CSRNP3: variants seen among roughly 807,000 people sequenced by gnomAD.
CSRNP3 encodes cysteine/serine-rich nuclear protein 3.
CSRNP3 carries 12 observed loss-of-function variants against 48.0 expected under a neutral mutation model. That is an observed-to-expected ratio of 0.25 (90% CI 0.16 to 0.41). CSRNP3 has a LOEUF of 0.41. CSRNP3 is among the 10% of genes least tolerant of loss of function. CSRNP3 has a pLI of 1.00. For missense variants in CSRNP3, 580 were observed against 724.4 expected (o/e 0.80, Z 2.29); for synonymous variants, 263 against 269.7 (o/e 0.98, Z 0.24).
intron 3 of CSRNP3, among the ~76,000 whole-genome samples, chr2:165,594,657 T>A (rs1685779407): frequency 6.6e-6 from 1 of 152,196 alleles, no homozygotes; most frequent in Non-Finnish European, 1.5e-5. Flanking sequence ...TCGTGCATAC[T>A]TTTTTGTGTT....
At chr2:165,558,653 A>T (rs898912684) in intron 3 of CSRNP3, among the ~76,000 whole-genome samples, 1 of 152,204 alleles carries the variant, frequency 6.6e-6, no homozygotes, top group Non-Finnish European at 1.5e-5. Flanking sequence ...GATTAGCCAA[A>T]TCACCAGATT....
chr2:165,670,270 A>G lies in CSRNP3; in HGVS notation c.409-6042A>G, dbSNP rs1305076163. ...GCCAGCCCCACTGCCACCCTCCTAC[A>G]TAACCCTCAAATGCCCCATGTTCAC... On this transcript the variant is annotated intron_variant, in intron 5 of 6. Transcript: ENST00000651982. Among the ~76,000 whole-genome samples the G allele has an allele frequency of 3.9e-5, 6 of 152,138 alleles. No individual in the cohort carries two copies. In the East Asian group the frequency reaches 1.2e-3, roughly 29 times the overall value.
chr2:165,502,291 A>G (rs1312892230), intron 2 of CSRNP3, among the ~76,000 whole-genome samples: 1 of 152,014 alleles, frequency 6.6e-6, no homozygotes, highest in African/African-American at 2.4e-5. Context: ...ATAAAATCTT[A>G]AATACGTGGT....
At chr2:165,578,075 T>C (rs1237928398) in intron 3 of CSRNP3, among the ~76,000 whole-genome samples, 2 of 152,082 alleles carry the variant, frequency 1.3e-5, no homozygotes, top group Non-Finnish European at 2.9e-5. Flanking sequence ...TTATATCAAA[T>C]AGGAAAATGA....
At chr2:165,554,485 AC>A (rs1207906818) in intron 3 of CSRNP3, among the ~76,000 whole-genome samples, 1 of 152,202 alleles carries the variant, frequency 6.6e-6, no homozygotes, top group Non-Finnish European at 1.5e-5. Context: ...TCTTGTTCTT[AC>A]CCATCATTCT....
chr2:165,606,366 CAAA>C (rs1229143916), intron 4 of CSRNP3, among the ~76,000 whole-genome samples: 18 of 63,096 alleles, frequency 2.9e-4, no homozygotes, highest in African/African-American at 8.2e-4. Context: ...GCTAATGCAG[CAAA>C]AAAAAAAAAA....
intron 3 of CSRNP3, among the ~76,000 whole-genome samples, chr2:165,521,327 A>G (rs1684659723): frequency 6.6e-6 from 1 of 152,204 alleles, no homozygotes; most frequent in African/African-American, 2.4e-5. Context: ...ACGTCAATGG[A>G]AAGAACTAGA....
intron 4 of CSRNP3, among the ~76,000 whole-genome samples, chr2:165,603,849 C>G (rs1035847162): frequency 2.6e-5 from 4 of 152,278 alleles, no homozygotes; most frequent in Admixed American, 2.0e-4. Flanking sequence ...TTCATGTCTC[C>G]TCCAATCACT....
chr2:165,552,058 C>T (rs1209706566), intron 3 of CSRNP3, among the ~76,000 whole-genome samples: 2 of 152,186 alleles, frequency 1.3e-5, no homozygotes, highest in Non-Finnish European at 2.9e-5. Context: ...TTTATCATCA[C>T]AACATGGGGA....
chr2:165,599,690 T>C (rs1004264458), intron 4 of CSRNP3, among the ~76,000 whole-genome samples: 1 of 152,222 alleles, frequency 6.6e-6, no homozygotes, highest in Non-Finnish European at 1.5e-5. Flanking sequence ...AAAATTGATA[T>C]ACAAATTTTT....
chr2:165,604,671 T>C (rs908156772), intron 4 of CSRNP3, among the ~76,000 whole-genome samples: 4 of 152,372 alleles, frequency 2.6e-5, no homozygotes, highest in Non-Finnish European at 5.9e-5. Flanking sequence ...CACTGTTTAA[T>C]TGGATGCTGT....
At chr2:165,590,452 A>C (rs957621636) in intron 3 of CSRNP3, among the ~76,000 whole-genome samples, 1 of 152,220 alleles carries the variant, frequency 6.6e-6, no homozygotes, top group African/African-American at 2.4e-5. Context: ...CATATACAAT[A>C]GTTACTATTG....
chr2:165,666,183 G>A (rs1162465732), intron 5 of CSRNP3, among the ~76,000 whole-genome samples: 1 of 142,920 alleles, frequency 7.0e-6, no homozygotes, highest in African/African-American at 2.6e-5. Context: ...AGGAAGGAAG[G>A]AAGGGAGGAA....
chr2:165,503,861 C>G (rs967004714), intron 2 of CSRNP3, among the ~76,000 whole-genome samples: 5 of 151,738 alleles, frequency 3.3e-5, no homozygotes, highest in African/African-American at 1.2e-4. Flanking sequence ...AATGCCTCCA[C>G]CATTTCACCT....
At chr2:165,505,448 A>G (rs1030309412) in intron 2 of CSRNP3, among the ~76,000 whole-genome samples, 1 of 152,182 alleles carries the variant, frequency 6.6e-6, no homozygotes, top group Non-Finnish European at 1.5e-5. Context: ...ATTTAAAAAA[A>G]TCTTCAATTA....
intron 3 of CSRNP3, among the ~76,000 whole-genome samples, chr2:165,592,823 A>G (rs1436403804): frequency 1.9e-5 from 2 of 103,878 alleles, no homozygotes; most frequent in African/African-American, 7.6e-5. Context: ...TTTTTTTGAG[A>G]CGGAGTCTCG....
At chr2:165,544,808 A>T (rs1246952578) in intron 3 of CSRNP3, among the ~76,000 whole-genome samples, 1 of 152,200 alleles carries the variant, frequency 6.6e-6, no homozygotes, top group Non-Finnish European at 1.5e-5. Context: ...TAAGCTTGAG[A>T]GTCATCGTCA....
chr2:165,470,945 A>C (rs1683886005), intron 1 of CSRNP3, among the ~76,000 whole-genome samples: 1 of 151,868 alleles, frequency 6.6e-6, no homozygotes, highest in South Asian at 2.1e-4. Context: ...TGACTATATA[A>C]TTTCTAAATA....
In CSRNP3 at chr2:165,595,118, G is replaced by A. The variant is rs1290100429; in HGVS notation, c.53G>A (p.Cys18Tyr). ...KFEEVDGSSP[C>Y]SSVRESDDEV... Reference sequence around the variant, plus strand: ...GAAGAAGTTGACGGCTCCTCACCCTGCTCCTCTGTGAGGGAATCAGATGAT... The same window carrying A: ...GAAGAAGTTGACGGCTCCTCACCCTACTCCTCTGTGAGGGAATCAGATGAT... Residue 18 changes from cysteine (C) to tyrosine (Y), a missense_variant, in exon 4 of 7, where the codon TGC becomes TAC. Cys to Tyr is a radical substitution (Grantham distance 194). Coordinates refer to ENST00000651982, the MANE Select transcript of CSRNP3 (RefSeq NM_001172173.2). 5 of 1,613,958 alleles carry A rather than the reference G, an allele frequency of 3.1e-6. No homozygotes were observed. Among genetic ancestry groups the A allele is most frequent in the Admixed American group, 1.7e-5 (1 of 60,000 alleles).
Sources: gnomAD v4.1 joint callset for allele counts (sites outside exome capture counted in the v4.1 genomes callset) on GRCh38, gnomAD v4.1.1 for gene constraint, MANE v1.5 for transcripts, NCBI Gene and HGNC (gene_info 2026-07-23, HGNC 2026-07-21) for gene names.